The following ABI1 variants were observed in gnomAD, a reference collection of about 807,000 sequenced individuals.
ABI1 encodes the protein abl interactor 1, also known as Abelson interactor 1.
A neutral mutation model predicts 54.6 loss-of-function variants in ABI1; 14 were observed. The observed-to-expected ratio is 0.26, with a 90% CI of 0.17 to 0.40. The LOEUF (loss-of-function observed/expected upper bound fraction) is 0.40. Among genes scored for constraint, ABI1 ranks in the 10% least tolerant of loss-of-function variants. The pLI, the probability that ABI1 is intolerant of heterozygous loss-of-function variation, is 1.00. For synonymous variants in ABI1, 194 were observed against 209.3 expected (o/e 0.93, Z 0.63); for missense variants, 443 against 598.3 (o/e 0.74, Z 2.71).
chr10:26,857,740 A>G (rs962809649), intron 1 of ABI1, among the ~76,000 whole-genome samples: 1 of 149,484 alleles, frequency 6.7e-6, no homozygotes, highest in Admixed American at 6.7e-5. Context: ...TCTCAGCTAC[A>G]TGGGAGGCTG....
At chr10:26,769,210 T>C (rs968079872) in intron 5 of ABI1, among the ~76,000 whole-genome samples, 39 of 152,258 alleles carry the variant, frequency 2.6e-4, no homozygotes, top group African/African-American at 8.9e-4. Context: ...AGGAAAAACA[T>C]AGGAAAGGGT....
At chr10:26,774,460 G>A (rs987514915) in intron 3 of ABI1, among the ~76,000 whole-genome samples, 1 of 152,072 alleles carries the variant, frequency 6.6e-6, no homozygotes, top group Non-Finnish European at 1.5e-5. Context: ...CAAACCTTGT[G>A]CTCACTTACA....
At chr10:26,790,919 A>T (rs1345216784) in intron 2 of ABI1, among the ~76,000 whole-genome samples, 3 of 151,978 alleles carry the variant, frequency 2.0e-5, no homozygotes, top group African/African-American at 7.3e-5. Flanking sequence ...AAATGCAAAA[A>T]AATTTGCTGG....
At chr10:26,821,000 C>T (rs1207599364) in intron 2 of ABI1, among the ~76,000 whole-genome samples, 3 of 94,526 alleles carry the variant, frequency 3.2e-5, no homozygotes, top group African/African-American at 4.9e-5. Context: ...CCTAGCACTT[C>T]GGGAGGCCAA....
At position 26,860,855 on chromosome 10, in the gene ABI1, C is replaced by T. The variant is rs1244874556; in HGVS notation, c.9G>A (p.Glu3=). The change falls in exon 1 of 11, where the codon GAG becomes GAA. Residue 3 remains glutamate (E), a synonymous_variant. Coordinates refer to ENST00000376140, the MANE Select transcript of ABI1 (RefSeq NM_001012750.3). This position sits in a 1 kb window ranked among gnomAD's most constrained non-coding sequence, Gnocchi z 4.1. Reference sequence around the variant, plus strand: ...TCTCCTCCTCTAGTAACATCTGCAGCTCTGCCATTTTCCACCCCTCTGCAT... The same window carrying T: ...TCTCCTCCTCTAGTAACATCTGCAGTTCTGCCATTTTCCACCCCTCTGCAT... MA[E]LQMLLEEEIP... is the part of the protein sequence containing the mutation. The T allele has an allele frequency of 1.2e-6, 2 of 1,614,100 alleles. No homozygotes were observed. The highest frequency in any genetic ancestry group is 2.2e-5 in the South Asian group (2 of 91,078).
chr10:26,857,566 C>G (rs2050927142), intron 1 of ABI1, among the ~76,000 whole-genome samples: 1 of 150,970 alleles, frequency 6.6e-6, no homozygotes, highest in South Asian at 2.1e-4. Flanking sequence ...ATCTCCAGAG[C>G]CCAGGAGGTT....
chr10:26,798,853 T>G (rs1466854499), intron 2 of ABI1, among the ~76,000 whole-genome samples: 1 of 151,322 alleles, frequency 6.6e-6, no homozygotes, highest in Non-Finnish European at 1.5e-5. Flanking sequence ...TCTCAACACA[T>G]GAGATCTTAA....
At chr10:26,763,237 C>T (rs889777703) in intron 7 of ABI1, among the ~76,000 whole-genome samples, 2 of 152,174 alleles carry the variant, frequency 1.3e-5, no homozygotes, top group Non-Finnish European at 2.9e-5. Context: ...TGAAACACCT[C>T]ATTATCCATT....
chr10:26,759,257 A>C lies in ABI1; in HGVS notation c.821-19T>G. On this transcript the variant is annotated intron_variant, in intron 7 of 10. Coordinates refer to ENST00000376140, the MANE Select transcript of ABI1 (RefSeq NM_001012750.3). ...GGGGCTGCTGAAAAGCATTAGTCAA[A>C]GGCAACCAACAAAGAGACTTGAGCA... The C allele has an allele frequency of 6.2e-7, 1 of 1,610,046 alleles. No individual in the cohort carries two copies. Among genetic ancestry groups the C allele is most frequent in the Non-Finnish European group, 8.5e-7 (1 of 1,178,234 alleles).
Position 26,759,208 on chromosome 10 carries a change from T to C in ABI1, c.851A>G (p.Tyr284Cys), listed in dbSNP as rs754690745. 8.1e-6 allele frequency: 13 copies of C among 1,614,066 alleles called. No homozygotes were observed. In the South Asian group the frequency reaches 1.1e-4, roughly 14 times the overall value. ...AAPGSAPGSQ[Y>C]GTMTRQISRH... The stretch of plus-strand genomic sequence containing the variant: ...AGATATCTGCCTGGTCATTGTGCCA[T>C]ACTGGGAACCAGGAGCTGAGCCCGG... Residue 284 changes from tyrosine (Y) to cysteine (C), a missense_variant, in exon 8 of 11, where the codon TAT becomes TGT. By Grantham distance (194) the Tyr-to-Cys change is radical. Transcript: ENST00000376140.
intron 2 of ABI1, among the ~76,000 whole-genome samples, chr10:26,791,063 C>T (rs532107265): frequency 5.4e-4 from 60 of 111,648 alleles, no homozygotes; most frequent in African/African-American, 1.9e-3. Flanking sequence ...AGTAAGATTC[C>T]GTCTCAAAAA....
At chr10:26,751,997 T>C (rs1023105019) in intron 9 of ABI1, among the ~76,000 whole-genome samples, 3 of 152,212 alleles carry the variant, frequency 2.0e-5, no homozygotes, top group African/African-American at 7.2e-5. Flanking sequence ...TATCTGGAAG[T>C]ACTACAAATT....
At chr10:26,815,157 G>A (rs533608530) in intron 2 of ABI1, among the ~76,000 whole-genome samples, 1 of 152,196 alleles carries the variant, frequency 6.6e-6, no homozygotes, top group South Asian at 2.1e-4. Flanking sequence ...CAATTTGGAA[G>A]AGCAAGGAAA....
intron 9 of ABI1, 121 bp from the exon 10 acceptor site, chr10:26,751,904 G>T: frequency 1.2e-6 from 1 of 859,928 alleles, no homozygotes; most frequent in South Asian, 2.6e-5. Context: ...AACATGCAAT[G>T]ATTAGAAATA....
At chr10:26,828,607 C>A (rs769402785) in intron 1 of ABI1, among the ~76,000 whole-genome samples, 1 of 152,136 alleles carries the variant, frequency 6.6e-6, no homozygotes, top group African/African-American at 2.4e-5. Context: ...CCTAACTGTG[C>A]ATCCAATTAG....
chr10:26,762,749 T>C (rs1390423885), intron 7 of ABI1, among the ~76,000 whole-genome samples: 2 of 152,264 alleles, frequency 1.3e-5, no homozygotes, highest in East Asian at 3.9e-4. Context: ...CCTCAAAAAC[T>C]TCATGAAAGG....
intron 1 of ABI1, among the ~76,000 whole-genome samples, chr10:26,832,117 A>G (rs539517628): frequency 1.4e-4 from 21 of 152,372 alleles, no homozygotes; most frequent in Admixed American, 2.6e-4. Flanking sequence ...ACATAAGCAC[A>G]AACAATGACA....
chr10:26,778,240 T>A (rs1476650882), intron 2 of ABI1, among the ~76,000 whole-genome samples: 1 of 152,182 alleles, frequency 6.6e-6, no homozygotes, highest in Non-Finnish European at 1.5e-5. Context: ...TTTAATTTAG[T>A]TGCCAACTTA....
chr10:26,820,304 T>C (rs2047888123), intron 2 of ABI1, among the ~76,000 whole-genome samples: 1 of 152,108 alleles, frequency 6.6e-6, no homozygotes, highest in South Asian at 2.1e-4. Flanking sequence ...ATCTTAAATA[T>C]ATATGATTTT....
Sources: gnomAD v4.1 joint callset for allele counts (sites outside exome capture counted in the v4.1 genomes callset) on GRCh38, gnomAD v4.1.1 for gene constraint, Gnocchi (gnomAD v3.1) non-coding constraint, MANE v1.5 for transcripts, NCBI Gene and HGNC (gene_info 2026-07-23, HGNC 2026-07-21) for gene names.